The following DCBLD2 variants were observed in gnomAD, a reference collection of about 807,000 sequenced individuals.
DCBLD2 encodes the protein discoidin, CUB and LCCL domain-containing protein 2.
DCBLD2 carries 54 observed loss-of-function variants against 86.8 expected under a neutral mutation model. The observed-to-expected ratio is 0.62, with a 90% CI of 0.50 to 0.78. The LOEUF is 0.78. Ranked by LOEUF, DCBLD2 falls within the 30% of genes least tolerant of loss-of-function variation. The probability of loss-of-function intolerance (pLI) is 0.00; values close to 1 mark genes in which losing one functional copy is unlikely to be tolerated. For missense variants in DCBLD2, 908 were observed against 954.2 expected, an observed-to-expected ratio of 0.95 and a Z score of 0.64; for synonymous variants, 354 against 341.3, an observed-to-expected ratio of 1.04 and a Z score of -0.41.
intron 3 of DCBLD2, among the ~76,000 whole-genome samples, chr3:98,841,999 A>T (rs1942630738): frequency 6.6e-6 from 1 of 152,216 alleles, no homozygotes; most frequent in South Asian, 2.1e-4. Flanking sequence ...CGAGAGGCGG[A>T]GGCTGCAGTG....
At chr3:98,804,024 C>T (rs1576154234) in intron 13 of DCBLD2, among the ~76,000 whole-genome samples, 1 of 152,282 alleles carries the variant, frequency 6.6e-6, no homozygotes, top group African/African-American at 2.4e-5. Flanking sequence ...TGTTGTGTCT[C>T]TGCCAGGCTT....
In DCBLD2 at chr3:98,901,123, T is replaced by C. The variant is rs536397018; in HGVS notation, c.204A>G (p.Gln68=). The part of the protein sequence containing the change: ...LLLLEDAGAQ[Q]GDGCGHTVLG... ...GCTCACTCCCCTGGGACCACTCACC[T>C]TGCTGGGCTCCAGCGTCCTCGAGCA... The change falls in exon 1 of 16, where the codon CAA becomes CAG. Residue 68 remains glutamine, a splice_region_variant and synonymous_variant. Coordinates refer to ENST00000326840, the MANE Select transcript of DCBLD2 (RefSeq NM_080927.4). The C allele has an allele frequency of 1.9e-6, 3 of 1,539,700 alleles. No homozygotes were observed. The African/African-American group carries it at 4.1e-5, about 21-fold the overall frequency.
intron 2 of DCBLD2, among the ~76,000 whole-genome samples, chr3:98,850,370 T>C (rs191666480): frequency 6.6e-6 from 1 of 152,250 alleles, no homozygotes. Flanking sequence ...AAAAATCTCA[T>C]GTTTTAAGAA....
intron 2 of DCBLD2, among the ~76,000 whole-genome samples, chr3:98,861,971 A>G (rs974392512): frequency 6.6e-6 from 1 of 152,186 alleles, no homozygotes; most frequent in Non-Finnish European, 1.5e-5. Context: ...AAATTGATAG[A>G]TTGCTAGCAA....
chr3:98,870,914 G>T (rs756393304), intron 2 of DCBLD2, among the ~76,000 whole-genome samples: 21 of 151,924 alleles, frequency 1.4e-4, no homozygotes, highest in Non-Finnish European at 1.5e-5. Context: ...TTTAATTCAT[G>T]AACATAGGAG....
intron 2 of DCBLD2, among the ~76,000 whole-genome samples, chr3:98,857,334 T>C (rs1942951070): frequency 6.6e-6 from 1 of 152,060 alleles, no homozygotes; most frequent in Non-Finnish European, 1.5e-5. Flanking sequence ...GAACAAAGCT[T>C]CCACAGTGTG....
At chr3:98,894,396 GC>G (rs1322546330) in intron 1 of DCBLD2, among the ~76,000 whole-genome samples, 2 of 152,198 alleles carry the variant, frequency 1.3e-5, no homozygotes, top group African/African-American at 4.8e-5. Context: ...TATTGGAGAT[GC>G]CTATTGAAGT....
chr3:98,833,156 T>C (rs1348676294), intron 3 of DCBLD2, among the ~76,000 whole-genome samples: 1 of 152,238 alleles, frequency 6.6e-6, no homozygotes, highest in African/African-American at 2.4e-5. Flanking sequence ...TACTTTTGTC[T>C]GACTCTCTTA....
intron 2 of DCBLD2, among the ~76,000 whole-genome samples, chr3:98,879,727 T>C (rs758357852): frequency 2.0e-5 from 3 of 152,228 alleles, no homozygotes; most frequent in Non-Finnish European, 2.9e-5. Context: ...GGAAGATATG[T>C]CACAATGTAG....
At chr3:98,836,886 T>C (rs1302427235) in intron 3 of DCBLD2, among the ~76,000 whole-genome samples, 1 of 49,100 alleles carries the variant, frequency 2.0e-5, no homozygotes, top group Non-Finnish European at 4.1e-5. Context: ...CACCCCCACC[T>C]CCCTCCCGGA....
chr3:98,831,605 T>C (rs542763931), intron 3 of DCBLD2, among the ~76,000 whole-genome samples: 26 of 152,344 alleles, frequency 1.7e-4, no homozygotes, highest in African/African-American at 5.8e-4. Context: ...TAAATTTCTC[T>C]TGTAACAATG....
rs1316394770 is a variant in DCBLD2, at chr3:98,797,085, A to G, written c.*2287T>C. 6.6e-6 allele frequency: 1 copy of G among 151,988 alleles called. No individual in the cohort carries two copies. The highest frequency in any genetic ancestry group is 1.5e-5 in the Non-Finnish European group (1 of 67,874). 9.4% of individuals were successfully genotyped at this position (151,988 alleles called of 1,614,324 possible). On this transcript the variant is annotated 3_prime_UTR_variant, in exon 16 of 16. Coordinates refer to ENST00000326840, the MANE Select transcript of DCBLD2 (RefSeq NM_080927.4). ...AAAACCTCTACTATAAAAACCAATG[A>G]ACTAAAAAGAAGTATAAAGCAGAAA...
chr3:98,882,772 T>C (rs1260370444), intron 1 of DCBLD2, among the ~76,000 whole-genome samples: 1 of 152,204 alleles, frequency 6.6e-6, no homozygotes, highest in Non-Finnish European at 1.5e-5. Flanking sequence ...TATGGCTGCA[T>C]AGTATTCCAT....
At chr3:98,896,602 G>C (rs894347629) in intron 1 of DCBLD2, among the ~76,000 whole-genome samples, 1 of 152,132 alleles carries the variant, frequency 6.6e-6, no homozygotes, top group African/African-American at 2.4e-5. Context: ...GTAATAGAAA[G>C]GAAAGTTAAA....
chr3:98,901,560 G>A lies in DCBLD2; in HGVS notation c.-234C>T, dbSNP rs1943853483. On this transcript the variant is annotated 5_prime_UTR_variant, in exon 1 of 16. Coordinates refer to ENST00000326840, the MANE Select transcript of DCBLD2 (RefSeq NM_080927.4). ...CAGGCCGGAGCGCAGGGGAGGGGAG[G>A]GAAGGAAGCGGAGTCCTCGAGCCGC... 2.8e-6 allele frequency: 1 copy of A among 356,064 alleles called. No individual in the cohort carries two copies. Among genetic ancestry groups the A allele is most frequent in the Non-Finnish European group, 4.9e-6 (1 of 203,722 alleles). 22.1% of individuals were successfully genotyped at this position (356,064 alleles called of 1,614,324 possible).
intron 3 of DCBLD2, among the ~76,000 whole-genome samples, chr3:98,837,462 G>A (rs1175490647): frequency 5.7e-5 from 2 of 35,116 alleles, no homozygotes; most frequent in Admixed American, 2.2e-4. Context: ...CTGGCCGGGC[G>A]GGGGGCTGAC....
At chr3:98,871,788 T>C (rs73138048) in intron 2 of DCBLD2, among the ~76,000 whole-genome samples, 25,192 of 152,178 alleles carry the variant, frequency 0.17, 2,185 homozygotes, top group African/African-American at 0.22. Context: ...ACCGGGTTCA[T>C]AGAAAGAATT....
At chr3:98,893,895 G>C (rs995039824) in intron 1 of DCBLD2, among the ~76,000 whole-genome samples, 2 of 152,218 alleles carry the variant, frequency 1.3e-5, no homozygotes, top group Non-Finnish European at 2.9e-5. Flanking sequence ...TACAAAGTGA[G>C]ATAGTCTGCT....
chr3:98,850,213 A>T (rs1942808785), intron 2 of DCBLD2, among the ~76,000 whole-genome samples: 1 of 152,236 alleles, frequency 6.6e-6, no homozygotes, highest in Non-Finnish European at 1.5e-5. Flanking sequence ...TTTAATGTCT[A>T]TCACAGAGGT....
Sources: allele counts gnomAD v4.1 joint callset (sites outside exome capture counted in the v4.1 genomes callset), GRCh38; gene constraint gnomAD v4.1.1; transcripts MANE v1.5; gene names NCBI Gene and HGNC (gene_info 2026-07-23, HGNC 2026-07-21).